Variants in TLCD4 observed in about 807,000 individuals in gnomAD.
TLCD4 encodes the protein TLC domain-containing protein 4.
A neutral mutation model predicts 24.2 loss-of-function variants in TLCD4; 7 were observed. The observed-to-expected ratio is 0.29, with a 90% CI of 0.16 to 0.54. TLCD4 has a LOEUF of 0.54. TLCD4 is among the 20% of genes least tolerant of loss of function. The probability of loss-of-function intolerance (pLI) is 0.95; values close to 1 mark genes in which losing one functional copy is unlikely to be tolerated. For missense variants in TLCD4, 259 were observed against 313.9 expected (o/e 0.82, Z 1.32); for synonymous variants, 103 against 106.4 (o/e 0.97, Z 0.20).
intron 6 of TLCD4, among the ~76,000 whole-genome samples, chr1:95,182,210 T>A (rs1425270952): frequency 6.6e-6 from 1 of 152,146 alleles, no homozygotes; most frequent in Non-Finnish European, 1.5e-5. Flanking sequence ...CCCACTTTTT[T>A]TTTTTATTTT....
upstream of TLCD4, among the ~76,000 whole-genome samples, chr1:95,117,112 C>T (rs968240676): frequency 2.0e-5 from 3 of 152,218 alleles, no homozygotes; most frequent in Non-Finnish European, 2.9e-5. Context: ...AGTTCCCCCG[C>T]TGGCAAGTTT....
At chr1:95,171,741 A>G (rs1441727051) in intron 5 of TLCD4, among the ~76,000 whole-genome samples, 1 of 152,180 alleles carries the variant, frequency 6.6e-6, no homozygotes, top group Admixed American at 6.5e-5. Flanking sequence ...AAAACAGAAC[A>G]TATTGCACAA....
chr1:95,106,599 G>A, the TLCD4 span, among the ~76,000 whole-genome samples: 1 of 152,054 alleles, frequency 6.6e-6, no homozygotes, highest in Non-Finnish European at 1.5e-5. Context: ...AGGCTGAGGT[G>A]GAAGGATTGC....
At chr1:95,153,418 G>C (rs935876478) in intron 5 of TLCD4, among the ~76,000 whole-genome samples, 1 of 152,048 alleles carries the variant, frequency 6.6e-6, no homozygotes, top group African/African-American at 2.4e-5. Context: ...TTTTAGAAAG[G>C]CTTCATCCTA....
At chr1:95,139,024 CAA>C (rs1181312045) in intron 1 of TLCD4, among the ~76,000 whole-genome samples, 5 of 56,852 alleles carry the variant, frequency 8.8e-5, no homozygotes, top group African/African-American at 1.3e-4. Flanking sequence ...CCAGTCTCTA[CAA>C]AAAAAAAAAA....
intron 6 of TLCD4, among the ~76,000 whole-genome samples, chr1:95,180,078 G>T (rs1678580390): frequency 6.6e-6 from 1 of 152,158 alleles, no homozygotes; most frequent in South Asian, 2.1e-4. Context: ...GCATGGTCCA[G>T]TGTCCACACA....
At chr1:95,190,096 C>CTTTTTTTTTTTTTTTTTTTTTTT (rs71097254) in intron 6 of TLCD4, among the ~76,000 whole-genome samples, 1 of 135,144 alleles carries the variant, frequency 7.4e-6, no homozygotes, top group Non-Finnish European at 1.7e-5. Context: ...TTTGCACTTT[C>CTTTTTTTTTTTTTTTTTTTTTTT]TTTTTTTTTT....
the TLCD4 span, among the ~76,000 whole-genome samples, chr1:95,107,396 C>T: frequency 2.6e-5 from 4 of 152,224 alleles, no homozygotes; most frequent in East Asian, 7.8e-4. Flanking sequence ...GCACTTCAGC[C>T]TGGGCGACAG....
the TLCD4 span, among the ~76,000 whole-genome samples, chr1:95,105,054 C>G: frequency 6.6e-6 from 1 of 152,066 alleles, no homozygotes; most frequent in African/African-American, 2.4e-5. Context: ...ACTTTCAGTA[C>G]AGTATTCAAT....
intron 5 of TLCD4, among the ~76,000 whole-genome samples, chr1:95,159,897 T>C (rs556085329): frequency 6.6e-6 from 1 of 152,372 alleles, no homozygotes; most frequent in South Asian, 2.1e-4. Context: ...CATGCTGTTT[T>C]GGTTACTGTA....
chr1:95,139,545 G>A (rs1340662520), intron 1 of TLCD4, among the ~76,000 whole-genome samples: 3 of 130,026 alleles, frequency 2.3e-5, no homozygotes, highest in Non-Finnish European at 3.1e-5. Flanking sequence ...TCCAGCCTCC[G>A]TCTCCCAGGT....
At chr1:95,158,683 G>A (rs536500260) in intron 5 of TLCD4, among the ~76,000 whole-genome samples, 38 of 105,786 alleles carry the variant, frequency 3.6e-4, no homozygotes, top group African/African-American at 1.4e-3. Flanking sequence ...GACAGGCCCC[G>A]GTGTGTGCTG....
chr1:95,129,097 A>G (rs1240175243), intron 1 of TLCD4, among the ~76,000 whole-genome samples: 1 of 152,188 alleles, frequency 6.6e-6, no homozygotes, highest in Non-Finnish European at 1.5e-5. Flanking sequence ...ATTATATACA[A>G]TTATGAGAAA....
chr1:95,181,409 A>G (rs1678636399), intron 6 of TLCD4, among the ~76,000 whole-genome samples: 1 of 152,120 alleles, frequency 6.6e-6, no homozygotes, highest in Non-Finnish European at 1.5e-5. Context: ...GCCTTTTCAA[A>G]TACTAATAAT....
the TLCD4 span, among the ~76,000 whole-genome samples, chr1:95,101,073 A>T: frequency 2.6e-5 from 4 of 151,646 alleles, no homozygotes; most frequent in Non-Finnish European, 5.9e-5. Flanking sequence ...GTGCCCGGCT[A>T]CTTTTTGTAT....
chr1:95,171,640 T>C lies in TLCD4; in HGVS notation c.400-2176T>C, dbSNP rs891928904. Among the ~76,000 whole-genome samples the C allele has an allele frequency of 3.3e-5, 5 of 152,180 alleles. No individual in the cohort carries two copies. In the South Asian group the frequency reaches 1.0e-3, roughly 32 times the overall value. The stretch of plus-strand genomic sequence containing the variant: ...TCACTGAGAAGGAAAGTTATTATTG[T>C]ATATGGAAATCTATGTTATTTTATA... On this transcript the variant is annotated intron_variant, in intron 5 of 6. Transcript: ENST00000370203.
intron 6 of TLCD4, among the ~76,000 whole-genome samples, chr1:95,185,188 AAAG>A (rs1399932973): frequency 1.3e-5 from 2 of 152,192 alleles, no homozygotes; most frequent in African/African-American, 4.8e-5. Flanking sequence ...AAAAACTGGC[AAAG>A]AAGAGAAGCA....
At chr1:95,110,396 T>C in the TLCD4 span, among the ~76,000 whole-genome samples, 23 of 152,152 alleles carry the variant, frequency 1.5e-4, no homozygotes, top group Admixed American at 1.2e-3. Context: ...CATTACTACT[T>C]TGCTTTATGT....
chr1:95,109,465 T>C, the TLCD4 span, among the ~76,000 whole-genome samples: 1 of 151,476 alleles, frequency 6.6e-6, no homozygotes, highest in Non-Finnish European at 1.5e-5. Flanking sequence ...AGGAGTGTTT[T>C]AATGTTTTTC....
Sources: gnomAD v4.1 joint callset for allele counts (sites outside exome capture counted in the v4.1 genomes callset) on GRCh38, gnomAD v4.1.1 for gene constraint, MANE v1.5 for transcripts, NCBI Gene and HGNC (gene_info 2026-07-23, HGNC 2026-07-21) for gene names.